ARHGAP26: variants seen among roughly 807,000 people sequenced by gnomAD.
The protein encoded by ARHGAP26 is Rho GTPase activating protein 26.
Under a neutral mutation model 104.8 loss-of-function variants are expected in ARHGAP26, and 38 were observed. The ratio of observed to expected loss-of-function variants is 0.36; its 90% CI spans 0.28 to 0.48. ARHGAP26 has a LOEUF of 0.48. Ranked by LOEUF, ARHGAP26 falls within the 20% of genes least tolerant of loss-of-function variation. The pLI is 0.99. For missense variants in ARHGAP26, 704 were observed against 947.9 expected, an observed-to-expected ratio of 0.74 and a Z score of 3.38; for synonymous variants, 341 against 340.0, an observed-to-expected ratio of 1.00 and a Z score of -0.03.
intron 19 of ARHGAP26, among the ~76,000 whole-genome samples, chr5:143,139,125 G>C (rs191488011): frequency 5.1e-4 from 78 of 152,306 alleles, no homozygotes; most frequent in African/African-American, 1.7e-3. Flanking sequence ...AATGCTGAGG[G>C]GCTGGGGTGG....
chr5:143,067,565 A>G (rs1787679166), intron 17 of ARHGAP26, among the ~76,000 whole-genome samples: 1 of 152,196 alleles, frequency 6.6e-6, no homozygotes, highest in African/African-American at 2.4e-5. Flanking sequence ...CATACACAGG[A>G]AAGTTTTTCT....
chr5:143,222,198 A>G (rs74321934), intron 22 of ARHGAP26, among the ~76,000 whole-genome samples, 160 bp from the exon 23 acceptor site: 4,604 of 151,932 alleles, frequency 0.03, 224 homozygotes, highest in African/African-American at 0.1. Flanking sequence ...AACTTCTAGA[A>G]TGATGTAACT....
At chr5:143,071,116 G>T (rs1354792806) in intron 17 of ARHGAP26, among the ~76,000 whole-genome samples, 1 of 152,014 alleles carries the variant, frequency 6.6e-6, no homozygotes, top group Non-Finnish European at 1.5e-5. Context: ...ATAAAAGCAG[G>T]CCTATAGACC....
chr5:143,162,406 G>A (rs1209372988), intron 20 of ARHGAP26, among the ~76,000 whole-genome samples: 2 of 152,070 alleles, frequency 1.3e-5, no homozygotes, highest in Non-Finnish European at 2.9e-5. Flanking sequence ...CACTTAAAAT[G>A]TTCAGTTGTC....
intron 16 of ARHGAP26, among the ~76,000 whole-genome samples, chr5:143,056,537 C>T (rs1032823775): frequency 6.6e-6 from 1 of 151,974 alleles, no homozygotes; most frequent in Non-Finnish European, 1.5e-5. Context: ...CTTCACAGTC[C>T]TCTTTTCCAT....
At chr5:142,908,734 G>A (rs1761444307) in intron 9 of ARHGAP26, 1 of 166,904 alleles carries the variant, frequency 6.0e-6, no homozygotes, top group Admixed American at 6.5e-5. Context: ...TGTAGGAAAA[G>A]CACGTGGCAT....
intron 11 of ARHGAP26, among the ~76,000 whole-genome samples, chr5:142,949,213 GAGAGAGAGGAGA>G (rs1562136890): frequency 6.2e-5 from 4 of 64,156 alleles, no homozygotes; most frequent in African/African-American, 4.0e-4. Context: ...GAGAGAGAGA[GAGAGAGAGGAGA>G]GAGAGAGGAG....
chr5:142,818,318 A>G (rs914789292), intron 1 of ARHGAP26, among the ~76,000 whole-genome samples: 1 of 151,898 alleles, frequency 6.6e-6, no homozygotes, highest in African/African-American at 2.4e-5. Flanking sequence ...TGCCCCGGTC[A>G]GGTGGCACAG....
intron 20 of ARHGAP26, among the ~76,000 whole-genome samples, chr5:143,192,026 T>A (rs1245493051): frequency 1.3e-5 from 2 of 152,232 alleles, no homozygotes; most frequent in Non-Finnish European, 2.9e-5. Context: ...TCCATTCTTT[T>A]AACTATTTAC....
intron 20 of ARHGAP26, among the ~76,000 whole-genome samples, chr5:143,172,737 C>G (rs899156608): frequency 6.6e-6 from 1 of 152,152 alleles, no homozygotes; most frequent in Non-Finnish European, 1.5e-5. Flanking sequence ...TGCTGGTGAT[C>G]GGCCTGGTAA....
intron 20 of ARHGAP26, among the ~76,000 whole-genome samples, chr5:143,157,172 CTT>C (rs56740224): frequency 7.1e-6 from 1 of 141,294 alleles, no homozygotes; most frequent in Non-Finnish European, 1.5e-5. Flanking sequence ...CACATTCTTT[CTT>C]TTTTTTTTTT....
chr5:142,898,069 A>C (rs1051621385), intron 6 of ARHGAP26, among the ~76,000 whole-genome samples: 1 of 152,144 alleles, frequency 6.6e-6, no homozygotes, highest in South Asian at 2.1e-4. Flanking sequence ...TGACCTTCAG[A>C]AAAAGAAACA....
At chr5:142,790,390 C>G (rs1331152187) in intron 1 of ARHGAP26, among the ~76,000 whole-genome samples, 1 of 152,178 alleles carries the variant, frequency 6.6e-6, no homozygotes, top group African/African-American at 2.4e-5. Context: ...CGTATTTCTC[C>G]TGTTTTTGTA....
intron 21 of ARHGAP26, among the ~76,000 whole-genome samples, chr5:143,209,039 T>TA (rs1809028545): frequency 6.6e-6 from 1 of 152,236 alleles, no homozygotes; most frequent in Non-Finnish European, 1.5e-5. Flanking sequence ...ATGCCTCACT[T>TA]ACTCATTAGA....
In ARHGAP26 at chr5:143,041,884, C is replaced by A; in HGVS notation, c.1279C>A (p.Leu427Met). 6.3e-7 allele frequency: 1 copy of A among 1,589,260 alleles called. No homozygotes were observed. ...NSRVQKLLSV[L>M]MDPKTASETE... ...CAGAGTGCAGAAGTTGCTGAGTGTCCTGATGGGTGAGTGCCGCAGTGGCTC... is the reference window on the plus strand; with the variant it reads ...CAGAGTGCAGAAGTTGCTGAGTGTCATGATGGGTGAGTGCCGCAGTGGCTC... Residue 427 changes from leucine (L) to methionine (M), a missense_variant, in exon 14 of 23, where the codon CTG (leucine) becomes ATG (methionine). Physicochemically the swap from Leu to Met is conservative, Grantham distance 15. Around this residue, in one of 6 missense-constraint regions of ARHGAP26, gnomAD observed 287 missense variants for 438.8 expected, o/e 0.65. Transcript: ENST00000645722.
At chr5:142,937,501 A>C (rs561956387) in intron 11 of ARHGAP26, among the ~76,000 whole-genome samples, 1 of 152,352 alleles carries the variant, frequency 6.6e-6, no homozygotes, top group South Asian at 2.1e-4. Flanking sequence ...TTCTAAAACT[A>C]AATATTGCTG....
intron 11 of ARHGAP26, among the ~76,000 whole-genome samples, chr5:142,974,774 A>AT (rs1772816840): frequency 6.6e-6 from 1 of 152,012 alleles, no homozygotes; most frequent in Non-Finnish European, 1.5e-5. Flanking sequence ...TTTTGGAAAG[A>AT]TTTTTTCCTC....
chr5:143,057,321 C>G (rs570392346), intron 16 of ARHGAP26, among the ~76,000 whole-genome samples: 99 of 152,264 alleles, frequency 6.5e-4, no homozygotes, highest in African/African-American at 2.3e-3. Flanking sequence ...AGTCTTCCCT[C>G]TAGGGAGCCA....
chr5:143,040,082 T>A (rs1426913922), intron 13 of ARHGAP26, among the ~76,000 whole-genome samples: 2 of 152,110 alleles, frequency 1.3e-5, no homozygotes, highest in Non-Finnish European at 2.9e-5. Flanking sequence ...CAGTGGGAGG[T>A]GGGATTGTGT....
Sources: gnomAD v4.1 joint callset for allele counts (sites outside exome capture counted in the v4.1 genomes callset) on GRCh38, gnomAD v4.1.1 for gene constraint, gnomAD v4.1.1 regional missense constraint, MANE v1.5 for transcripts, NCBI Gene and HGNC (gene_info 2026-07-23, HGNC 2026-07-21) for gene names.